The following CASZ1 variants were observed in gnomAD, a reference collection of about 807,000 sequenced individuals.
CASZ1 encodes zinc finger protein castor homolog 1.
CASZ1 carries 28 observed loss-of-function variants against 135.2 expected under a neutral mutation model. The ratio of observed to expected loss-of-function variants is 0.21; its 90% CI spans 0.15 to 0.28. The LOEUF (loss-of-function observed/expected upper bound fraction) is 0.28, where lower values mean the gene tolerates loss of function less well. Ranked by LOEUF, CASZ1 falls within the 10% of genes least tolerant of loss-of-function variation. The pLI, the probability that CASZ1 is intolerant of heterozygous loss-of-function variation, is 1.00. For missense variants in CASZ1, 2,161 were observed against 2,453.3 expected, an observed-to-expected ratio of 0.88 and a Z score of 2.52; for synonymous variants, 1,068 against 1,073.4, an observed-to-expected ratio of 0.99 and a Z score of 0.10.
At chr1:10,737,895 C>T (rs866731445) in intron 2 of CASZ1, among the ~76,000 whole-genome samples, 3 of 152,242 alleles carry the variant, frequency 2.0e-5, no homozygotes, top group Non-Finnish European at 2.9e-5. Flanking sequence ...CCCTGTGGGG[C>T]GCTGGGTGCA....
At position 10,717,361 on chromosome 1, in the gene CASZ1, G is replaced by C. The variant is rs1472723837; in HGVS notation, c.-76-11817C>G. 6.6e-6 allele frequency among the ~76,000 whole-genome samples: 1 copy of C among 152,054 alleles called. No individual in the cohort carries two copies. Among genetic ancestry groups the C allele is most frequent in the Admixed American group, 6.5e-5 (1 of 15,272 alleles). ...ATCTTTCCTGCCTTGCCGTGCTGGG[G>C]TGTTGGTGAGTTGTTGGAGGTTTTT... On this transcript the variant is annotated intron_variant, in intron 2 of 20. Transcript: ENST00000377022. The surrounding 1 kb of genome is among the most constrained non-coding windows in gnomAD (Gnocchi z 4.6).
In CASZ1 at chr1:10,660,196, C is replaced by T. The variant is rs137957823; in HGVS notation, c.846G>A (p.Thr282=). Residue 282 remains threonine, a synonymous_variant, in exon 6 of 21, where the codon ACG becomes ACA. Transcript: ENST00000377022. Reference sequence around the variant, plus strand: ...TGGTGGCCTTGGTCTCCAGGTGGGCCGTGCTGCTGGGCAGCCGCAGGCCGG... The same window carrying T: ...TGGTGGCCTTGGTCTCCAGGTGGGCTGTGCTGCTGGGCAGCCGCAGGCCGG... The part of the protein sequence containing the change: ...TLPGLRLPSS[T]AHLETKATIL... 198 of 1,613,358 alleles carry T rather than the reference C, an allele frequency of 1.2e-4. No individual in the cohort carries two copies. The African/African-American group carries it at 2.0e-3, about 16-fold the overall frequency.
chr1:10,795,655 C>T (rs1309958166), intron 1 of CASZ1, among the ~76,000 whole-genome samples: 1 of 152,216 alleles, frequency 6.6e-6, no homozygotes, highest in Non-Finnish European at 1.5e-5. Flanking sequence ...AGCTCTGGGC[C>T]GATGCCCCGG....
At chr1:10,661,873 G>T (rs1205969972) in intron 5 of CASZ1, among the ~76,000 whole-genome samples, 1 of 148,340 alleles carries the variant, frequency 6.7e-6, no homozygotes, top group East Asian at 2.0e-4. Flanking sequence ...CTCTTACACA[G>T]TCACATGCAA....
chr1:10,653,700 A>T lies in CASZ1; in HGVS notation c.2357T>A (p.Leu786Gln). The T allele has an allele frequency of 6.3e-7, 1 of 1,588,776 alleles. No homozygotes were observed. Among genetic ancestry groups the T allele is most frequent in the Non-Finnish European group, 8.6e-7 (1 of 1,167,274 alleles). Residue 786 changes from leucine to glutamine, a missense_variant, in exon 11 of 21, where the codon CTG (leucine) becomes CAG (glutamine). Around this residue, in one of 7 missense-constraint regions of CASZ1, gnomAD observed 406 missense variants for 387.6 expected, o/e 1.05. Transcript: ENST00000377022. ...LPQGLPGSIP[L>Q]ALALSNSGLP... ...GCCCGAGTTGGAGAGGGCCAGGGCCAGGGGGATTGAGCCAGGCAGGCCCTG... is the reference window on the plus strand; with the variant it reads ...GCCCGAGTTGGAGAGGGCCAGGGCCTGGGGGATTGAGCCAGGCAGGCCCTG...
chr1:10,735,433 A>C lies in CASZ1; in HGVS notation c.-77+25268T>G, dbSNP rs1639779750. Among the ~76,000 whole-genome samples, 1 of 152,148 alleles carries C rather than the reference A, an allele frequency of 6.6e-6. No individual in the cohort carries two copies. The highest frequency in any genetic ancestry group is 6.5e-5 in the Admixed American group (1 of 15,282). On this transcript the variant is annotated intron_variant, in intron 2 of 20. Coordinates refer to ENST00000377022, the MANE Select transcript of CASZ1 (RefSeq NM_001079843.3). The surrounding 1 kb of genome is among the most constrained non-coding windows in gnomAD (Gnocchi z 5.1). Reference sequence around the variant, plus strand: ...GAGGGGACGGGGGACTGGCGGAGTCAGGCGCCAGGGCTGCCTCCCTCTGCT... The same window carrying C: ...GAGGGGACGGGGGACTGGCGGAGTCCGGCGCCAGGGCTGCCTCCCTCTGCT...
At chr1:10,743,441 G>A (rs1639967585) in intron 2 of CASZ1, among the ~76,000 whole-genome samples, 1 of 151,860 alleles carries the variant, frequency 6.6e-6, no homozygotes, top group African/African-American at 2.4e-5. Flanking sequence ...AGAGCCCTGG[G>A]CCTCCACCGA....
At chr1:10,793,613 T>G (rs1053242056) in intron 1 of CASZ1, among the ~76,000 whole-genome samples, 9 of 147,798 alleles carry the variant, frequency 6.1e-5, no homozygotes, top group African/African-American at 1.0e-4. Flanking sequence ...TCTAATAAAT[T>G]AAACAGGAGG....
Position 10,639,187 on chromosome 1 carries a change from C to T in CASZ1, c.5035G>A (p.Glu1679Lys). The T allele has an allele frequency of 1.0e-6, 1 of 1,002,212 alleles. No homozygotes were observed. Among genetic ancestry groups the T allele is most frequent in the Non-Finnish European group, 1.2e-6 (1 of 827,352 alleles). 62.1% of individuals were successfully genotyped at this position (1,002,212 alleles called of 1,614,324 possible). Residue 1679 changes from glutamate to lysine, a missense_variant, in exon 21 of 21, where the codon GAG (glutamate) becomes AAG (lysine). Transcript: ENST00000377022. The surrounding 1 kb of genome is among the most constrained non-coding windows in gnomAD (Gnocchi z 4.0). ...TCCTCCGGCAGCTCCAGCTCCTCCT[C>T]CTCGTCCTCCTGCGAGGACTCCCCA... ...AAGESSQEDE[E>K]EELELPEEEA...
At chr1:10,713,531 G>T (rs746546059) in intron 2 of CASZ1, among the ~76,000 whole-genome samples, 4 of 152,188 alleles carry the variant, frequency 2.6e-5, no homozygotes, top group Non-Finnish European at 5.9e-5. Flanking sequence ...GGGCTGTGGC[G>T]CTTGGCCCTC....
chr1:10,793,187 C>CT (rs1403626015), intron 1 of CASZ1, among the ~76,000 whole-genome samples: 2 of 133,622 alleles, frequency 1.5e-5, no homozygotes, highest in African/African-American at 2.9e-5. Flanking sequence ...TAAACAATAG[C>CT]TTTTTTAAAA....
intron 4 of CASZ1, among the ~76,000 whole-genome samples, chr1:10,688,842 G>A (rs1296326778): frequency 2.0e-5 from 3 of 152,304 alleles, no homozygotes; most frequent in African/African-American, 7.2e-5. Context: ...TGCACACTGG[G>A]GCTGCCCGCC....
chr1:10,659,688 G>A lies in CASZ1; in HGVS notation c.1340+14C>T. The A allele has an allele frequency of 6.3e-7, 1 of 1,599,102 alleles. No homozygotes were observed. The highest frequency in any genetic ancestry group is 8.6e-7 in the Non-Finnish European group (1 of 1,166,424). On this transcript the variant is annotated intron_variant, in intron 6 of 20. Coordinates refer to ENST00000377022, the MANE Select transcript of CASZ1 (RefSeq NM_001079843.3). ...CTCCTGGCTCTGGGCATTGTGGGGT[G>A]GGGAGCGCCTTACTTGACAGTGGAG... is the stretch of plus-strand genomic sequence containing the variant.
At position 10,757,488 on chromosome 1, in the gene CASZ1, C is replaced by T. The variant is rs577057623; in HGVS notation, c.-77+3213G>A. Among the ~76,000 whole-genome samples the T allele has an allele frequency of 6.6e-6, 1 of 152,240 alleles. No individual in the cohort carries two copies. Among genetic ancestry groups the T allele is most frequent in the South Asian group, 2.1e-4 (1 of 4,820 alleles). ...TTCTTCCCTTGGCAGCCCCAACTAC[C>T]TTTTTAAAACAAACATTGGCTGGGT... is the stretch of plus-strand genomic sequence containing the variant. On this transcript the variant is annotated intron_variant, in intron 2 of 20. Transcript: ENST00000377022. The surrounding 1 kb of genome is among the most constrained non-coding windows in gnomAD (Gnocchi z 4.6).
intron 4 of CASZ1, among the ~76,000 whole-genome samples, chr1:10,688,592 A>T (rs1044421769): frequency 2.6e-5 from 4 of 152,136 alleles, no homozygotes; most frequent in African/African-American, 9.7e-5. Context: ...CTCTCCCTCC[A>T]CTAGGCAGAC....
chr1:10,665,169 G>A lies in CASZ1; in HGVS notation c.419C>T (p.Ser140Phe), dbSNP rs747487642. 2.6e-6 allele frequency: 4 copies of A among 1,558,238 alleles called. No individual in the cohort carries two copies. The highest frequency in any genetic ancestry group is 3.5e-6 in the Non-Finnish European group (4 of 1,149,202). Residue 140 changes from serine to phenylalanine, a missense_variant, in exon 5 of 21, where the codon TCC becomes TTC. Physicochemically the swap from Ser to Phe is radical, Grantham distance 155. Coordinates refer to ENST00000377022, the MANE Select transcript of CASZ1 (RefSeq NM_001079843.3). ...SDEEDHAEEPSKDGGALEEKD... is the reference protein window; with the variant it reads ...SDEEDHAEEPFKDGGALEEKD... ...CTCCTCCAGGGCACCGCCGTCCTTG[G>A]AGGGCTCCTCCGCGTGGTCTTCCTC...
At position 10,709,330 on chromosome 1, in the gene CASZ1, C is replaced by T. The variant is rs1289823394; in HGVS notation, c.-76-3786G>A. On this transcript the variant is annotated intron_variant, in intron 2 of 20. Coordinates refer to ENST00000377022, the MANE Select transcript of CASZ1 (RefSeq NM_001079843.3). The surrounding 1 kb of genome is among the most constrained non-coding windows in gnomAD (Gnocchi z 5.1). Reference sequence around the variant, plus strand: ...CCCCAGCCCCATCCTCACGCACAGCCTCTCCCTGGCCAGCCCTTTCACAGG... The same window carrying T: ...CCCCAGCCCCATCCTCACGCACAGCTTCTCCCTGGCCAGCCCTTTCACAGG... Among the ~76,000 whole-genome samples, 1 of 152,194 alleles carries T rather than the reference C, an allele frequency of 6.6e-6. No individual in the cohort carries two copies. Among genetic ancestry groups the T allele is most frequent in the Non-Finnish European group, 1.5e-5 (1 of 68,030 alleles).
chr1:10,645,374 C>T (rs968567968), intron 17 of CASZ1, among the ~76,000 whole-genome samples: 4 of 152,082 alleles, frequency 2.6e-5, no homozygotes, highest in Non-Finnish European at 2.9e-5. Flanking sequence ...ACTAAAAATA[C>T]AAAAAATTAG....
rs376931252 is a variant in CASZ1 at position 10,721,056 on chromosome 1, G to C, written c.-76-15512C>G. On this transcript the variant is annotated intron_variant, in intron 2 of 20. Transcript: ENST00000377022. The surrounding 1 kb of genome is among the most constrained non-coding windows in gnomAD (Gnocchi z 5.4). ...CTCCTCGCCCGTAACTCTGGTGGGG[G>C]TCCCTTTTGTACAGGAGCCAAGCTG... Among the ~76,000 whole-genome samples the C allele has an allele frequency of 6.6e-6, 1 of 152,188 alleles. No individual in the cohort carries two copies. The highest frequency in any genetic ancestry group is 1.9e-4 in the East Asian group (1 of 5,176).
Sources: allele counts gnomAD v4.1 joint callset (sites outside exome capture counted in the v4.1 genomes callset), GRCh38; gene constraint gnomAD v4.1.1; regional missense constraint gnomAD v4.1.1; non-coding constraint Gnocchi (gnomAD v3.1); transcripts MANE v1.5; gene names NCBI Gene and HGNC (gene_info 2026-07-23, HGNC 2026-07-21).